ABCA13: variants seen among roughly 807,000 people sequenced by gnomAD.
ABCA13 encodes ATP-binding cassette sub-family A member 13.
In ABCA13, 476 loss-of-function variants were observed where a neutral mutation model predicts 478.7. The ratio of observed to expected loss-of-function variants is 0.99; its 90% CI spans 0.92 to 1.07. The LOEUF is 1.07. Among genes scored for constraint, ABCA13 ranks in the 50% least tolerant of loss-of-function variants. ABCA13 has a pLI of 0.00. For missense variants in ABCA13, 6,060 were observed against 5,910.6 expected, an observed-to-expected ratio of 1.03 and a Z score of -0.83; for synonymous variants, 2,252 against 2,158.9, an observed-to-expected ratio of 1.04 and a Z score of -1.20.
At chr7:48,445,011 C>T (rs1284691090) in intron 42 of ABCA13, among the ~76,000 whole-genome samples, 1 of 141,482 alleles carries the variant, frequency 7.1e-6, no homozygotes, top group African/African-American at 2.6e-5. Context: ...TTCTTTCTTT[C>T]TTTTTTTTTT....
chr7:48,624,695 A>G (rs1793498302), intron 59 of ABCA13, among the ~76,000 whole-genome samples: 1 of 151,878 alleles, frequency 6.6e-6, no homozygotes, highest in Admixed American at 6.6e-5. Flanking sequence ...AGCTGGGATT[A>G]CAGGCATGCA....
At chr7:48,255,685 C>T (rs1793276263) in intron 15 of ABCA13, among the ~76,000 whole-genome samples, 1 of 151,966 alleles carries the variant, frequency 6.6e-6, no homozygotes, top group Non-Finnish European at 1.5e-5. Context: ...GTATATGTAC[C>T]ACCTTTTCTT....
At chr7:48,449,530 G>C (rs1299784038) in intron 42 of ABCA13, among the ~76,000 whole-genome samples, 1 of 152,184 alleles carries the variant, frequency 6.6e-6, no homozygotes, top group Non-Finnish European at 1.5e-5. Context: ...TTCAGGGTTA[G>C]CCAGGGCTGG....
rs189819318 is a variant in ABCA13 at position 48,477,595 on chromosome 7, A to G, written c.12976-3441A>G. 4.5e-3 allele frequency among the ~76,000 whole-genome samples: 685 copies of G among 152,248 alleles called. 4 individuals carry two copies. Among genetic ancestry groups the G allele is most frequent in the African/African-American group, 0.015 (617 of 41,548 alleles). On this transcript the variant is annotated intron_variant, in intron 45 of 61. Coordinates refer to ENST00000435803, the MANE Select transcript of ABCA13 (RefSeq NM_152701.5). ...ATGAGTTCATGTCTTTTGTAGGGAC[A>G]TGGATGAAACTGGAAATCATCATTC...
intron 47 of ABCA13, among the ~76,000 whole-genome samples, chr7:48,485,732 T>C (rs374297715): frequency 6.6e-6 from 1 of 152,170 alleles, no homozygotes; most frequent in East Asian, 1.9e-4. Context: ...TGCATTTCGC[T>C]CATGAGTCTG....
intron 43 of ABCA13, among the ~76,000 whole-genome samples, chr7:48,461,755 T>C (rs1443633161): frequency 1.3e-5 from 2 of 152,136 alleles, no homozygotes; most frequent in African/African-American, 2.4e-5. Flanking sequence ...AGAGAATCCC[T>C]GATGACGACA....
intron 41 of ABCA13, among the ~76,000 whole-genome samples, chr7:48,421,746 T>G (rs147395533): frequency 5.9e-5 from 9 of 152,320 alleles, no homozygotes; most frequent in South Asian, 4.1e-4. Flanking sequence ...TCCACCTCTA[T>G]TTTTGCTTCT....
intron 27 of ABCA13, among the ~76,000 whole-genome samples, chr7:48,333,614 A>G (rs907701763): frequency 1.3e-5 from 2 of 152,212 alleles, no homozygotes; most frequent in African/African-American, 4.8e-5. Context: ...TAGGCTTAAC[A>G]CACAGATCTT....
intron 2 of ABCA13, among the ~76,000 whole-genome samples, chr7:48,196,230 T>A (rs1797913692): frequency 6.6e-6 from 1 of 152,134 alleles, no homozygotes; most frequent in South Asian, 2.1e-4. Context: ...GAAGTTTCCA[T>A]CCATCCATTA....
rs145095482 is a variant in ABCA13, at chr7:48,420,187, G to T, written c.12460-7579G>T. On this transcript the variant is annotated intron_variant, in intron 41 of 61. Transcript: ENST00000435803. The stretch of plus-strand genomic sequence containing the variant: ...ATTAACTCTCCAGTTGAGCTCTTCA[G>T]CTAAAAAGCATATTTTATTTCTAAA... Among the ~76,000 whole-genome samples the T allele has an allele frequency of 3.4e-3, 512 of 152,304 alleles. 5 individuals carry two copies. The highest frequency in any genetic ancestry group is 0.011 in the African/African-American group (470 of 41,554).
chr7:48,288,399 A>T (rs1038981113), intron 20 of ABCA13, among the ~76,000 whole-genome samples: 2 of 152,264 alleles, frequency 1.3e-5, no homozygotes, highest in Admixed American at 1.3e-4. Flanking sequence ...AAATCATGTT[A>T]GAAACACAAG....
intron 41 of ABCA13, among the ~76,000 whole-genome samples, chr7:48,413,566 C>A (rs1026667643): frequency 3.3e-5 from 5 of 152,036 alleles, no homozygotes; most frequent in African/African-American, 9.7e-5. Context: ...TAAAATGTCA[C>A]GGGTTTTCAA....
chr7:48,272,136 G>T lies in ABCA13; in HGVS notation c.2470G>T (p.Glu824Ter). Residue 824 changes from glutamate (E) to a stop codon, truncating the protein, a stop_gained, in exon 17 of 62, where the codon GAA becomes TAA. Transcript: ENST00000435803. LOFTEE classifies it high-confidence loss of function. ...ACCAAAAAATCTTTTGAGATTCATA[G>T]AATTAATACTTTTTGAAATTAATCC... ...KEPKNLLRFI[E>*]LILFEINPKL... 1.2e-6 allele frequency: 2 copies of T among 1,613,258 alleles called. No homozygotes were observed. Among genetic ancestry groups the T allele is most frequent in the South Asian group, 2.2e-5 (2 of 91,000 alleles).
At chr7:48,529,880 T>C (rs996991946) in intron 55 of ABCA13, among the ~76,000 whole-genome samples, 4 of 152,196 alleles carry the variant, frequency 2.6e-5, no homozygotes, top group Admixed American at 2.6e-4. Context: ...GAAACAGTTT[T>C]CTACACTTTC....
chr7:48,271,494 A>G (rs1487656351), intron 16 of ABCA13, among the ~76,000 whole-genome samples: 1 of 152,222 alleles, frequency 6.6e-6, no homozygotes, highest in Non-Finnish European at 1.5e-5. Flanking sequence ...CATAAATAGC[A>G]AACTTATCTT....
At chr7:48,434,472 A>T (rs1341929308) in intron 42 of ABCA13, among the ~76,000 whole-genome samples, 1 of 151,662 alleles carries the variant, frequency 6.6e-6, no homozygotes, top group Non-Finnish European at 1.5e-5. Flanking sequence ...TTTTTACTCT[A>T]TTAATTGTAG....
intron 38 of ABCA13, among the ~76,000 whole-genome samples, chr7:48,399,695 T>G (rs1219232273): frequency 1.3e-5 from 2 of 152,258 alleles, no homozygotes; most frequent in Non-Finnish European, 2.9e-5. Flanking sequence ...AAAGAGACAG[T>G]GCACAAGAGC....
chr7:48,470,113 C>A (rs1425295319), intron 44 of ABCA13, among the ~76,000 whole-genome samples: 3 of 152,184 alleles, frequency 2.0e-5, no homozygotes, highest in African/African-American at 7.2e-5. Flanking sequence ...GATTCTTAAA[C>A]TTTAAAAGAA....
intron 45 of ABCA13, among the ~76,000 whole-genome samples, chr7:48,478,893 A>G (rs1473568001): frequency 6.6e-6 from 1 of 151,716 alleles, no homozygotes; most frequent in African/African-American, 2.4e-5. Flanking sequence ...CTGAGCCCCA[A>G]CGTTACTATT....
Sources: allele counts gnomAD v4.1 joint callset (sites outside exome capture counted in the v4.1 genomes callset), GRCh38; gene constraint gnomAD v4.1.1; transcripts MANE v1.5; gene names NCBI Gene and HGNC (gene_info 2026-07-23, HGNC 2026-07-21).